CSMD1: variants seen among roughly 807,000 people sequenced by gnomAD.
CSMD1 encodes CUB and Sushi multiple domains 1.
In CSMD1, 213 loss-of-function variants were observed where a neutral mutation model predicts 417.5. That is an observed-to-expected ratio of 0.51 (90% CI 0.46 to 0.57). The LOEUF (loss-of-function observed/expected upper bound fraction) is 0.57, where lower values mean the gene tolerates loss of function less well. Among genes scored for constraint, CSMD1 ranks in the 20% least tolerant of loss-of-function variants. The pLI, the probability that CSMD1 is intolerant of heterozygous loss-of-function variation, is 0.00. For synonymous variants in CSMD1, 2,862 were observed against 1,736.8 expected (o/e 1.65, Z -16.11); for missense variants, 6,923 against 4,529.7 (o/e 1.53, Z -15.17).
At chr8:4,002,691 T>C (rs1482563712) in intron 4 of CSMD1, among the ~76,000 whole-genome samples, 1 of 152,196 alleles carries the variant, frequency 6.6e-6, no homozygotes, top group East Asian at 1.9e-4. Flanking sequence ...ATCCCTGCAG[T>C]GTGGAGTGCT....
At chr8:3,631,649 C>T (rs949836287) in intron 7 of CSMD1, among the ~76,000 whole-genome samples, 4 of 152,192 alleles carry the variant, frequency 2.6e-5, no homozygotes, top group African/African-American at 7.2e-5. Flanking sequence ...TGATTTTAGC[C>T]AGTCCAGCTC....
intron 10 of CSMD1, among the ~76,000 whole-genome samples, chr8:3,564,662 C>G (rs1229439234): frequency 1.3e-5 from 2 of 151,784 alleles, no homozygotes; most frequent in East Asian, 3.9e-4. Flanking sequence ...AAGTTAAGAA[C>G]TGAGGTGTTA....
At chr8:3,148,346 G>A (rs896343416) in intron 40 of CSMD1, among the ~76,000 whole-genome samples, 3 of 152,100 alleles carry the variant, frequency 2.0e-5, no homozygotes, top group Admixed American at 1.3e-4. Context: ...TTATGATTCC[G>A]GAGATTCTGA....
At chr8:3,826,930 G>T (rs1179154162) in intron 5 of CSMD1, among the ~76,000 whole-genome samples, 1 of 151,980 alleles carries the variant, frequency 6.6e-6, no homozygotes, top group Non-Finnish European at 1.5e-5. Flanking sequence ...GAAACTACAG[G>T]CATGTGCCTA....
intron 3 of CSMD1, among the ~76,000 whole-genome samples, chr8:4,285,518 CTT>C (rs1797011872): frequency 6.6e-6 from 1 of 152,134 alleles, no homozygotes; most frequent in African/African-American, 2.4e-5. Context: ...AGACAGATCT[CTT>C]GTTTTCGGAT....
At chr8:3,068,564 T>TAAAGA (rs1430912502) in intron 49 of CSMD1, among the ~76,000 whole-genome samples, 339 of 152,344 alleles carry the variant, frequency 2.2e-3, no homozygotes, top group African/African-American at 7.0e-3. Context: ...TTTAGTTGGC[T>TAAAGA]CATGTTTCTG....
At chr8:3,419,871 T>C (rs1553185) in intron 12 of CSMD1, among the ~76,000 whole-genome samples, 2,850 of 152,222 alleles carry the variant, frequency 0.019, 57 homozygotes, top group East Asian at 0.096. Context: ...TGAGTAGAAA[T>C]ATAGACTCTT....
intron 12 of CSMD1, among the ~76,000 whole-genome samples, chr8:3,432,010 G>A (rs1004239829): frequency 6.6e-6 from 1 of 152,128 alleles, no homozygotes; most frequent in Non-Finnish European, 1.5e-5. Flanking sequence ...AGATCACTGT[G>A]TGAATTCCAT....
chr8:4,259,566 ACT>A (rs1803727117), intron 3 of CSMD1, among the ~76,000 whole-genome samples: 1 of 151,988 alleles, frequency 6.6e-6, no homozygotes, highest in Non-Finnish European at 1.5e-5. Flanking sequence ...ACAAAGTAAT[ACT>A]CTGTTACCGA....
chr8:4,054,650 G>A (rs1046298536), intron 3 of CSMD1, among the ~76,000 whole-genome samples: 2 of 152,066 alleles, frequency 1.3e-5, no homozygotes, highest in Middle Eastern at 3.2e-3. Context: ...GTAATGAACA[G>A]GTCCTTGCAC....
intron 2 of CSMD1, among the ~76,000 whole-genome samples, chr8:4,421,929 C>T (rs188433291): frequency 7.2e-5 from 11 of 151,966 alleles, no homozygotes; most frequent in African/African-American, 2.4e-4. Flanking sequence ...TTGGGAGTTT[C>T]AGAAGGTACA....
intron 5 of CSMD1, among the ~76,000 whole-genome samples, chr8:3,871,702 G>A (rs866769716): frequency 6.6e-6 from 1 of 152,090 alleles, no homozygotes; most frequent in Non-Finnish European, 1.5e-5. Context: ...CCAGGTAAAT[G>A]TGTCTCAAAA....
chr8:4,369,298 T>C (rs1463617241), intron 3 of CSMD1, among the ~76,000 whole-genome samples: 1 of 152,154 alleles, frequency 6.6e-6, no homozygotes. Flanking sequence ...TTGTGCTGTT[T>C]TATTTGTGGT....
intron 2 of CSMD1, among the ~76,000 whole-genome samples, chr8:4,422,383 A>G (rs1484052649): frequency 2.0e-5 from 3 of 152,126 alleles, no homozygotes; most frequent in Admixed American, 1.3e-4. Flanking sequence ...CTAGATTTGG[A>G]AATGGGGCTT....
intron 25 of CSMD1, among the ~76,000 whole-genome samples, chr8:3,299,160 A>G (rs1804189805): frequency 6.6e-6 from 1 of 152,214 alleles, no homozygotes; most frequent in Non-Finnish European, 1.5e-5. Context: ...AGTTAAAAAA[A>G]ATGGAGTGAA....
At chr8:4,305,209 C>A (rs1202472946) in intron 3 of CSMD1, among the ~76,000 whole-genome samples, 1 of 152,172 alleles carries the variant, frequency 6.6e-6, no homozygotes. Flanking sequence ...CACTCCCCAA[C>A]AGAGAAGGAT....
chr8:4,324,565 T>C (rs941009131), intron 3 of CSMD1, among the ~76,000 whole-genome samples: 3 of 152,172 alleles, frequency 2.0e-5, no homozygotes, highest in African/African-American at 7.2e-5. Flanking sequence ...CAGGGAATAA[T>C]TTCAAAGGAC....
At chr8:4,140,572 G>C (rs574531674) in intron 3 of CSMD1, among the ~76,000 whole-genome samples, 18 of 151,138 alleles carry the variant, frequency 1.2e-4, no homozygotes, top group Non-Finnish European at 2.4e-4. Flanking sequence ...GGAGGCTAAG[G>C]TGGGAAGACT....
intron 1 of CSMD1, among the ~76,000 whole-genome samples, chr8:4,838,572 T>C (rs956335309): frequency 2.0e-5 from 3 of 152,346 alleles, no homozygotes; most frequent in African/African-American, 7.2e-5. Flanking sequence ...GGGGTGCATG[T>C]TGAGGATATA....
Sources: allele counts gnomAD v4.1 joint callset (sites outside exome capture counted in the v4.1 genomes callset), GRCh38; gene constraint gnomAD v4.1.1; transcripts MANE v1.5; gene names NCBI Gene and HGNC (gene_info 2026-07-23, HGNC 2026-07-21).